Variants in UNC13C observed in about 807,000 individuals in gnomAD.
The protein encoded by UNC13C is unc-13 homolog C, also known as protein unc-13 homolog C.
UNC13C carries 174 observed loss-of-function variants against 245.4 expected under a neutral mutation model. The ratio of observed to expected loss-of-function variants is 0.71; its 90% CI spans 0.63 to 0.80. UNC13C has a LOEUF of 0.80. Ranked by LOEUF, UNC13C falls within the 30% of genes least tolerant of loss-of-function variation. The pLI is 0.00. For missense variants in UNC13C, 2,829 were observed against 2,602.9 expected (o/e 1.09, Z -1.89); for synonymous variants, 992 against 895.1 (o/e 1.11, Z -1.93).
intron 2 of UNC13C, among the ~76,000 whole-genome samples, chr15:54,075,345 C>G (rs563573506): frequency 6.6e-6 from 1 of 151,978 alleles, no homozygotes; most frequent in East Asian, 1.9e-4. Context: ...ATTAGCCAGG[C>G]CTGGCGGCAG....
the UNC13C span, among the ~76,000 whole-genome samples, chr15:53,894,267 C>G: frequency 6.6e-6 from 1 of 152,204 alleles, no homozygotes; most frequent in South Asian, 2.1e-4. Context: ...GAGCTGCAGA[C>G]TGGAGCTGTT....
intron 4 of UNC13C, among the ~76,000 whole-genome samples, chr15:54,176,286 G>C (rs1264332011): frequency 6.6e-6 from 1 of 152,116 alleles, no homozygotes; most frequent in African/African-American, 2.4e-5. Context: ...ATCATATTGT[G>C]GACCAGTGGC....
At chr15:53,989,983 A>G (rs1055554677) in intron 1 of UNC13C, among the ~76,000 whole-genome samples, 1 of 152,008 alleles carries the variant, frequency 6.6e-6, no homozygotes, top group Non-Finnish European at 1.5e-5. Flanking sequence ...GACCCTGTCC[A>G]TTATTCCTAA....
chr15:54,576,771 G>A (rs1188496369), intron 30 of UNC13C, among the ~76,000 whole-genome samples: 2 of 152,136 alleles, frequency 1.3e-5, no homozygotes, highest in Non-Finnish European at 2.9e-5. Context: ...CCCTAGCACA[G>A]TGAGTCATTT....
chr15:54,002,419 T>G (rs757058083), intron 1 of UNC13C, among the ~76,000 whole-genome samples: 1 of 152,158 alleles, frequency 6.6e-6, no homozygotes, highest in Non-Finnish European at 1.5e-5. Context: ...GAATAATATT[T>G]TACCTTGCGG....
In UNC13C at chr15:54,499,816, G is replaced by C. The variant is rs601881; in HGVS notation, c.5061-263G>C. Among the ~76,000 whole-genome samples the C allele has an allele frequency of 3.7e-4, 57 of 152,196 alleles. No individual in the cohort carries two copies. The East Asian group carries it at 9.5e-3, about 25-fold the overall frequency. On this transcript the variant is annotated intron_variant, in intron 20 of 32. Transcript: ENST00000260323. ...TTTTACAAGAGTTTGAATTTTGAAG[G>C]GAATTACAGAGTAACTGTTGGAAAC...
chr15:54,422,994 A>ACT (rs1007325542), intron 19 of UNC13C, among the ~76,000 whole-genome samples: 8 of 151,578 alleles, frequency 5.3e-5, no homozygotes, highest in African/African-American at 1.9e-4. Flanking sequence ...ACGAAAAAAA[A>ACT]ACTTCATGAA....
chr15:54,614,844 C>A (rs1157800540), intron 30 of UNC13C, among the ~76,000 whole-genome samples: 1 of 151,938 alleles, frequency 6.6e-6, no homozygotes, highest in Non-Finnish European at 1.5e-5. Flanking sequence ...AAATGCAATT[C>A]TTCTAAAAAT....
At chr15:54,331,068 A>G (rs1335523500) in intron 14 of UNC13C, among the ~76,000 whole-genome samples, 1 of 152,076 alleles carries the variant, frequency 6.6e-6, no homozygotes, top group African/African-American at 2.4e-5. Flanking sequence ...ACTTCGAGGC[A>G]TAAGAGTTAT....
chr15:54,098,792 T>G (rs974673277), intron 2 of UNC13C, among the ~76,000 whole-genome samples: 2 of 152,222 alleles, frequency 1.3e-5, no homozygotes, highest in African/African-American at 2.4e-5. Flanking sequence ...TTCTTTCTGA[T>G]AGTTTGCAAA....
intron 4 of UNC13C, among the ~76,000 whole-genome samples, chr15:54,181,292 G>A (rs2141302980): frequency 6.6e-6 from 1 of 151,988 alleles, no homozygotes; most frequent in East Asian, 1.9e-4. Flanking sequence ...AGACTTTGTT[G>A]AAGATCAGAT....
At position 54,455,210 on chromosome 15, in the gene UNC13C, T is replaced by C. The variant is rs1203735357; in HGVS notation, c.4934-39398T>C. 3.8e-3 allele frequency among the ~76,000 whole-genome samples: 234 copies of C among 61,608 alleles called. 22 individuals carry two copies. Among genetic ancestry groups the C allele is most frequent in the African/African-American group, 0.016 (222 of 13,824 alleles). 40.4% of individuals were successfully genotyped at this position (61,608 alleles called of 152,430 possible). A position where few individuals can be genotyped will look rare whatever the true frequency, so the allele number is the denominator to read the frequency against. Reference sequence around the variant, plus strand: ...CTCTCTCTCTCTCTCTCTCTCTATATATATATATATATATATATATATATA... The same window carrying C: ...CTCTCTCTCTCTCTCTCTCTCTATACATATATATATATATATATATATATA... On this transcript the variant is annotated intron_variant, in intron 19 of 32. Transcript: ENST00000260323.
intron 13 of UNC13C, among the ~76,000 whole-genome samples, chr15:54,309,560 A>G (rs537999434): frequency 6.6e-6 from 1 of 151,970 alleles, no homozygotes; most frequent in Non-Finnish European, 1.5e-5. Flanking sequence ...TTGAGGTTGT[A>G]ACTAATACAT....
rs914673999 is a variant in UNC13C at position 53,993,405 on chromosome 15, G to T, written c.-257+14478G>T. 4.6e-5 allele frequency among the ~76,000 whole-genome samples: 7 copies of T among 152,226 alleles called. No homozygotes were observed. The South Asian group carries it at 6.2e-4, about 14-fold the overall frequency. ...ACCGTGAACCTCTCTCAGGGAGTGAGTCAACTATGAACTCTTGGCAGCCAA... is the reference window on the plus strand; with the variant it reads ...ACCGTGAACCTCTCTCAGGGAGTGATTCAACTATGAACTCTTGGCAGCCAA... On this transcript the variant is annotated intron_variant, in intron 1 of 32. Coordinates refer to ENST00000260323, the MANE Select transcript of UNC13C (RefSeq NM_001080534.3).
chr15:54,332,081 C>G lies in UNC13C; in HGVS notation c.4464C>G (p.Asn1488Lys). Residue 1488 changes from asparagine (N) to lysine (K), a missense_variant, in exon 15 of 33, where the codon AAC becomes AAG. Asn to Lys is a moderately conservative substitution (Grantham distance 94). Transcript: ENST00000260323. ...TAAAACTACTGGACCAGTTACATAA[C>G]TCTTTGAGGATTGATCTGTCAAAGT... ...KFIKLLDQLH[N>K]SLRIDLSKYR... The G allele has an allele frequency of 1.3e-6, 2 of 1,581,948 alleles. No homozygotes were observed. Among genetic ancestry groups the G allele is most frequent in the Non-Finnish European group, 1.7e-6 (2 of 1,162,322 alleles).
intron 25 of UNC13C, among the ~76,000 whole-genome samples, chr15:54,529,133 C>G (rs1194494164): frequency 6.6e-6 from 1 of 152,132 alleles, no homozygotes; most frequent in African/African-American, 2.4e-5. Flanking sequence ...ATGTAAATGC[C>G]AAGCCCAGAG....
At chr15:54,094,711 C>T (rs965366706) in intron 2 of UNC13C, among the ~76,000 whole-genome samples, 1 of 152,126 alleles carries the variant, frequency 6.6e-6, no homozygotes, top group South Asian at 2.1e-4. Context: ...GCGCTCACTC[C>T]TATAAAATAA....
chr15:54,270,364 A>T (rs1282206715), intron 10 of UNC13C, among the ~76,000 whole-genome samples: 2 of 152,148 alleles, frequency 1.3e-5, no homozygotes, highest in Non-Finnish European at 2.9e-5. Context: ...TGAAAATAAG[A>T]TGTTTTATTA....
At chr15:54,335,846 C>A (rs765950912) in intron 16 of UNC13C, among the ~76,000 whole-genome samples, 1 of 152,020 alleles carries the variant, frequency 6.6e-6, no homozygotes, top group Non-Finnish European at 1.5e-5. Flanking sequence ...TAGTTGTAAA[C>A]ATATGTTTTT....
Sources: gnomAD v4.1 joint callset for allele counts (sites outside exome capture counted in the v4.1 genomes callset) on GRCh38, gnomAD v4.1.1 for gene constraint, MANE v1.5 for transcripts, NCBI Gene and HGNC (gene_info 2026-07-23, HGNC 2026-07-21) for gene names.